Variants in CSMD1 observed in about 807,000 individuals in gnomAD.
CSMD1 encodes CUB and Sushi multiple domains 1.
In CSMD1, 213 loss-of-function variants were observed where a neutral mutation model predicts 417.5. That is an observed-to-expected ratio of 0.51 (90% CI 0.46 to 0.57). The LOEUF is 0.57. Among genes scored for constraint, CSMD1 ranks in the 20% least tolerant of loss-of-function variants. The pLI is 0.00. For synonymous variants in CSMD1, 2,862 were observed against 1,736.8 expected (o/e 1.65, Z -16.11); for missense variants, 6,923 against 4,529.7 (o/e 1.53, Z -15.17).
chr8:3,241,864 T>C (rs1799553913), intron 26 of CSMD1, among the ~76,000 whole-genome samples: 1 of 152,076 alleles, frequency 6.6e-6, no homozygotes, highest in South Asian at 2.1e-4. Context: ...GAAGGCGACG[T>C]TAATTAAGTC....
intron 36 of CSMD1, among the ~76,000 whole-genome samples, chr8:3,182,313 C>A (rs1018174174): frequency 1.3e-5 from 2 of 152,184 alleles, no homozygotes; most frequent in Non-Finnish European, 2.9e-5. Flanking sequence ...GTGGCACAAT[C>A]TTGGGATTCT....
intron 7 of CSMD1, among the ~76,000 whole-genome samples, chr8:3,662,903 C>G (rs1362453556): frequency 2.0e-5 from 3 of 152,004 alleles, no homozygotes; most frequent in Non-Finnish European, 4.4e-5. Flanking sequence ...GGCTTAAAAC[C>G]TAGATGATGG....
At chr8:4,071,923 G>C (rs543843532) in intron 3 of CSMD1, among the ~76,000 whole-genome samples, 1 of 152,144 alleles carries the variant, frequency 6.6e-6, no homozygotes, top group East Asian at 1.9e-4. Flanking sequence ...AAGAGTCAAA[G>C]TCTGGGCAGA....
At chr8:4,470,267 C>G (rs891746315) in intron 2 of CSMD1, among the ~76,000 whole-genome samples, 3 of 152,206 alleles carry the variant, frequency 2.0e-5, no homozygotes, top group African/African-American at 4.8e-5. Context: ...GGCTCCTCCT[C>G]TATCCCGAGC....
At chr8:3,183,339 G>C (rs1333297841) in intron 36 of CSMD1, among the ~76,000 whole-genome samples, 1 of 146,292 alleles carries the variant, frequency 6.8e-6, no homozygotes, top group East Asian at 2.1e-4. Flanking sequence ...CTGAAATATC[G>C]AGTAGGTCTC....
intron 3 of CSMD1, among the ~76,000 whole-genome samples, chr8:4,166,293 G>A (rs758998500): frequency 6.6e-5 from 10 of 151,954 alleles, no homozygotes; most frequent in Non-Finnish European, 1.2e-4. Flanking sequence ...GTTCTTAATG[G>A]AATATTTTGT....
chr8:4,057,165 C>G (rs1287846831), intron 3 of CSMD1, among the ~76,000 whole-genome samples: 1 of 152,078 alleles, frequency 6.6e-6, no homozygotes, highest in Non-Finnish European at 1.5e-5. Context: ...GTGTAGTGTT[C>G]CTATTTCTCC....
intron 1 of CSMD1, among the ~76,000 whole-genome samples, chr8:4,682,970 A>G (rs915357019): frequency 5.9e-5 from 8 of 136,256 alleles, no homozygotes; most frequent in Non-Finnish European, 1.1e-4. Context: ...ATATATATAT[A>G]TATATATATA....
intron 3 of CSMD1, among the ~76,000 whole-genome samples, chr8:4,112,398 G>A (rs1801903990): frequency 6.6e-6 from 1 of 152,284 alleles, no homozygotes; most frequent in Non-Finnish European, 1.5e-5. Context: ...GCCCTGACAA[G>A]GCTGAGCTTG....
chr8:4,771,325 A>G (rs1257276384), intron 1 of CSMD1, among the ~76,000 whole-genome samples: 1 of 152,220 alleles, frequency 6.6e-6, no homozygotes, highest in Non-Finnish European at 1.5e-5. Flanking sequence ...CTCCCAGCTG[A>G]CAATAAATAA....
chr8:3,332,411 G>C (rs1806964007), intron 23 of CSMD1, among the ~76,000 whole-genome samples: 1 of 152,354 alleles, frequency 6.6e-6, no homozygotes, highest in Middle Eastern at 3.4e-3. Flanking sequence ...GCCTGAATTA[G>C]CTGGGAAGAG....
chr8:3,123,958 T>C (rs1287211162), intron 41 of CSMD1, among the ~76,000 whole-genome samples: 1 of 152,230 alleles, frequency 6.6e-6, no homozygotes, highest in South Asian at 2.1e-4. Flanking sequence ...AAACTAGTGT[T>C]GAAGGCTCTA....
At chr8:4,726,557 C>T (rs1424375568) in intron 1 of CSMD1, among the ~76,000 whole-genome samples, 1 of 152,092 alleles carries the variant, frequency 6.6e-6, no homozygotes, top group East Asian at 1.9e-4. Context: ...AGGGACAGGA[C>T]CACTTCCCTG....
At chr8:4,346,235 A>C (rs1262638640) in intron 3 of CSMD1, among the ~76,000 whole-genome samples, 5 of 152,138 alleles carry the variant, frequency 3.3e-5, no homozygotes, top group African/African-American at 1.2e-4. Flanking sequence ...TTATATTTTG[A>C]AATGACTAAA....
chr8:4,610,668 T>A (rs1478274), intron 2 of CSMD1, among the ~76,000 whole-genome samples: 1 of 152,044 alleles, frequency 6.6e-6, no homozygotes, highest in African/African-American at 2.4e-5. Flanking sequence ...ATTCATCCCA[T>A]GAATTAGTTT....
chr8:3,110,436 G>A (rs1168653886), intron 42 of CSMD1, 101 bp from the exon 43 acceptor site: 2 of 967,316 alleles, frequency 2.1e-6, no homozygotes, highest in Non-Finnish European at 2.9e-6. Flanking sequence ...CATTTTTCCT[G>A]ATGGGAAATA....
chr8:3,164,374 T>C (rs1820083728), intron 37 of CSMD1, among the ~76,000 whole-genome samples: 1 of 152,224 alleles, frequency 6.6e-6, no homozygotes, highest in Non-Finnish European at 1.5e-5. Flanking sequence ...CAATATACTT[T>C]ATTCCTACCA....
chr8:4,985,907 G>A (rs1403493739), intron 1 of CSMD1, among the ~76,000 whole-genome samples: 5 of 152,160 alleles, frequency 3.3e-5, no homozygotes, highest in African/African-American at 1.2e-4. Context: ...AGAATTGCAA[G>A]ACATTTGGAG....
chr8:3,885,189 C>A (rs1357489), intron 5 of CSMD1, among the ~76,000 whole-genome samples: 1 of 151,962 alleles, frequency 6.6e-6, no homozygotes, highest in Non-Finnish European at 1.5e-5. Context: ...GAGACATTCA[C>A]AGATCAGAAA....
Sources: gnomAD v4.1 joint callset for allele counts (sites outside exome capture counted in the v4.1 genomes callset) on GRCh38, gnomAD v4.1.1 for gene constraint, MANE v1.5 for transcripts, NCBI Gene and HGNC (gene_info 2026-07-23, HGNC 2026-07-21) for gene names.